KIF15: variants seen among roughly 807,000 people sequenced by gnomAD.
The protein encoded by KIF15 is kinesin-like protein KIF15.
In KIF15, 140 loss-of-function variants were observed where a neutral mutation model predicts 190.6. The observed-to-expected ratio is 0.73, with a 90% CI of 0.64 to 0.84. The LOEUF (loss-of-function observed/expected upper bound fraction) is 0.84, where lower values mean the gene tolerates loss of function less well. Ranked by LOEUF, KIF15 falls within the 40% of genes least tolerant of loss-of-function variation. The probability of loss-of-function intolerance (pLI) is 0.00; values close to 1 mark genes in which losing one functional copy is unlikely to be tolerated. For missense variants in KIF15, 1,372 were observed against 1,584.4 expected (o/e 0.87, Z 2.28); for synonymous variants, 528 against 551.3 (o/e 0.96, Z 0.59).
chr3:44,800,385 A>C lies in KIF15; in HGVS notation c.1170A>C (p.Gln390His). Residue 390 changes from glutamine to histidine, a missense_variant, in exon 11 of 35, where the codon CAA (glutamine) becomes CAC (histidine). By Grantham distance (24) the Gln-to-His change is conservative. Transcript: ENST00000326047. ...CTGAAGTGAAGAGGCTCAAAGAACA[A>C]CTGGCGGAGCTTGCTTCAGGACAGA... ...LQAEVKRLKEQLAELASGQTP... is the reference protein window; with the variant it reads ...LQAEVKRLKEHLAELASGQTP... 6.2e-7 allele frequency: 1 copy of C among 1,614,188 alleles called. No individual in the cohort carries two copies. The highest frequency in any genetic ancestry group is 2.2e-5 in the East Asian group (1 of 44,882).
chr3:44,860,668 G>A (rs899183934), intron 6 of KIF15, among the ~76,000 whole-genome samples: 3 of 151,962 alleles, frequency 2.0e-5, no homozygotes, highest in Non-Finnish European at 4.4e-5. Flanking sequence ...CACCGTGCCT[G>A]GCCTTATCCG....
intron 20 of KIF15, among the ~76,000 whole-genome samples, chr3:44,822,114 A>G (rs896523589): frequency 7.2e-5 from 11 of 152,144 alleles, no homozygotes; most frequent in South Asian, 6.2e-4. Context: ...GGTCTTTACA[A>G]TTTGGCATGT....
intron 1 of KIF15, among the ~76,000 whole-genome samples, chr3:44,770,025 C>T (rs1705574826): frequency 1.3e-5 from 2 of 152,226 alleles, no homozygotes; most frequent in Admixed American, 6.5e-5. Flanking sequence ...CAGATTTTTA[C>T]ATTACCCATC....
chr3:44,865,278 G>C, intron 6 of KIF15: 2 of 1,524,254 alleles, frequency 1.3e-6, no homozygotes, highest in Admixed American at 3.5e-5. Context: ...CAGTTGTGCA[G>C]CCTTCTGACC....
At chr3:44,784,297 C>T (rs1435892433) in intron 5 of KIF15, among the ~76,000 whole-genome samples, 2 of 152,060 alleles carry the variant, frequency 1.3e-5, no homozygotes, top group East Asian at 1.9e-4. Flanking sequence ...TCAGCCTCTC[C>T]GAGTAGCTGG....
intron 22 of KIF15, 48 bp downstream of exon 22, chr3:44,826,508 T>C (rs1697661823): frequency 8.0e-7 from 1 of 1,247,384 alleles, no homozygotes; most frequent in Admixed American, 2.1e-5. Context: ...TATTGTTTAA[T>C]ACCACATTCT....
chr3:44,822,293 G>T (rs1487800676), intron 20 of KIF15, among the ~76,000 whole-genome samples: 1 of 152,114 alleles, frequency 6.6e-6, no homozygotes, highest in South Asian at 2.1e-4. Flanking sequence ...TGAAATTCTG[G>T]GTTGAAAATT....
intron 1 of KIF15, among the ~76,000 whole-genome samples, chr3:44,766,193 G>C (rs1333952718): frequency 6.6e-6 from 1 of 152,178 alleles, no homozygotes; most frequent in African/African-American, 2.4e-5. Context: ...TTTGGGAAGA[G>C]ATTAGGAGTT....
chr3:44,812,432 A>G (rs1046574823), intron 18 of KIF15, 143 bp downstream of exon 18: 4 of 651,454 alleles, frequency 6.1e-6, no homozygotes, highest in East Asian at 2.7e-5. Flanking sequence ...ATGTTGTCAC[A>G]TGGCCTTAGT....
chr3:44,858,514 C>T (rs1430779856), intron 6 of KIF15, among the ~76,000 whole-genome samples: 1 of 151,888 alleles, frequency 6.6e-6, no homozygotes, highest in Non-Finnish European at 1.5e-5. Context: ...GTGTCCCATA[C>T]TTGTGGGTTA....
intron 6 of KIF15, chr3:44,863,958 T>C: frequency 1.9e-6 from 1 of 530,440 alleles, no homozygotes. Flanking sequence ...CAAGATCATA[T>C]GGCCAGCAAG....
At chr3:44,843,282 G>A (rs752796404) in intron 30 of KIF15, 48 bp downstream of exon 30, 2 of 1,289,078 alleles carry the variant, frequency 1.6e-6, no homozygotes, top group Non-Finnish European at 2.2e-6. Flanking sequence ...TGGCCTGCCT[G>A]TGTGGAGTTA....
chr3:44,801,537 G>T lies in KIF15; in HGVS notation c.1299+11G>T, dbSNP rs142925407. 3.3e-4 allele frequency: 496 copies of T among 1,502,136 alleles called. No individual in the cohort carries two copies. The African/African-American group carries it at 6.1e-3, about 18-fold the overall frequency. The allele number at this position is 1,502,136 out of a possible 1,614,324, so 93.1% of individuals were successfully genotyped here. ...GAACAGGAAAAGAAGGTAGGAAATG[G>T]AATTAGTAATAAAGGAGATTCAAGA... is the stretch of plus-strand genomic sequence containing the variant. On this transcript the variant is annotated intron_variant, in intron 12 of 34. Coordinates refer to ENST00000326047, the MANE Select transcript of KIF15 (RefSeq NM_020242.3).
chr3:44,863,030 G>A (rs150446333), intron 6 of KIF15: 1 of 152,098 alleles, frequency 6.6e-6, no homozygotes, highest in East Asian at 1.9e-4. Context: ...CTTTGTGTAA[G>A]ACAAGGTTGT....
intron 26 of KIF15, among the ~76,000 whole-genome samples, chr3:44,837,564 G>T (rs1398215296): frequency 1.6e-4 from 24 of 151,824 alleles, no homozygotes; most frequent in Non-Finnish European, 1.5e-4. Flanking sequence ...ATATATCTGT[G>T]TATATCCATG....
At chr3:44,866,549 A>C (rs1319455809) in intron 6 of KIF15, among the ~76,000 whole-genome samples, 1 of 152,184 alleles carries the variant, frequency 6.6e-6, no homozygotes, top group Admixed American at 6.5e-5. Context: ...TCTGGCCCCA[A>C]GTCTTCTTCA....
intron 16 of KIF15, among the ~76,000 whole-genome samples, chr3:44,808,387 A>C (rs911145181): frequency 6.6e-6 from 1 of 152,204 alleles, no homozygotes; most frequent in Non-Finnish European, 1.5e-5. Flanking sequence ...ATATGAATAC[A>C]TTCTCTTTGT....
chr3:44,795,390 C>T (rs1002001901), intron 8 of KIF15, among the ~76,000 whole-genome samples: 11 of 152,070 alleles, frequency 7.2e-5, no homozygotes, highest in Admixed American at 5.2e-4. Flanking sequence ...CAAGCAGGCC[C>T]GGATTATCAA....
rs375659490 is a variant in KIF15 at position 44,805,113 on chromosome 3, C to T, written c.1774C>T (p.Gln592Ter). 3 of 1,613,668 alleles carry T rather than the reference C, an allele frequency of 1.9e-6. No homozygotes were observed. The highest frequency in any genetic ancestry group is 2.5e-6 in the Non-Finnish European group (3 of 1,179,874). ...EKLKAQLLQI[Q>*]TELNNSKQEY... ...GTTAAAAGCACAACTCCTGCAAATTCAGACAGAGCTGAATAATTCAAAGCA... is the reference window on the plus strand; with the variant it reads ...GTTAAAAGCACAACTCCTGCAAATTTAGACAGAGCTGAATAATTCAAAGCA... The change falls in exon 15 of 35, where the codon CAG (glutamine) becomes TAG (stop). Residue 592 changes from glutamine (Q) to a stop codon, truncating the protein, a stop_gained. Coordinates refer to ENST00000326047, the MANE Select transcript of KIF15 (RefSeq NM_020242.3). LOFTEE classifies it high-confidence loss of function.
Sources: gnomAD v4.1 joint callset for allele counts (sites outside exome capture counted in the v4.1 genomes callset) on GRCh38, gnomAD v4.1.1 for gene constraint, MANE v1.5 for transcripts, NCBI Gene and HGNC (gene_info 2026-07-23, HGNC 2026-07-21) for gene names.